NFIB: variants seen among roughly 807,000 people sequenced by gnomAD.
The protein encoded by NFIB is nuclear factor 1 B-type.
Under a neutral mutation model 61.5 loss-of-function variants are expected in NFIB, and 11 were observed. The ratio of observed to expected loss-of-function variants is 0.18; its 90% CI spans 0.11 to 0.30. The LOEUF (loss-of-function observed/expected upper bound fraction) is 0.30. Ranked by LOEUF, NFIB falls within the 10% of genes least tolerant of loss-of-function variation. The pLI is 1.00. For missense variants in NFIB, 471 were observed against 608.9 expected (o/e 0.77, Z 2.38); for synonymous variants, 260 against 216.5 (o/e 1.20, Z -1.76).
intron 2 of NFIB, among the ~76,000 whole-genome samples, chr9:14,227,079 T>C (rs941191576): frequency 1.4e-5 from 2 of 147,942 alleles, no homozygotes; most frequent in African/African-American, 5.0e-5. Flanking sequence ...AGGCAAAGTT[T>C]GCAGTGAGCC....
At chr9:14,364,668 G>A (rs1165860306) in intron 1 of NFIB, among the ~76,000 whole-genome samples, 1 of 152,180 alleles carries the variant, frequency 6.6e-6, no homozygotes, top group South Asian at 2.1e-4. Flanking sequence ...TCAAAGGTGT[G>A]TGAAAAGTGA....
chr9:14,182,613 C>A (rs943943795), intron 2 of NFIB, among the ~76,000 whole-genome samples: 1 of 151,056 alleles, frequency 6.6e-6, no homozygotes, highest in East Asian at 2.0e-4. Flanking sequence ...CAATTCACCA[C>A]CTAGGTCAAA....
chr9:14,269,054 A>C (rs2057415806), intron 2 of NFIB, among the ~76,000 whole-genome samples: 1 of 151,980 alleles, frequency 6.6e-6, no homozygotes, highest in South Asian at 2.1e-4. Context: ...GTTCTAGTAC[A>C]TATGAGTAAA....
intron 1 of NFIB, among the ~76,000 whole-genome samples, chr9:14,349,572 C>T (rs1588349699): frequency 6.6e-6 from 1 of 152,198 alleles, no homozygotes; most frequent in East Asian, 1.9e-4. Flanking sequence ...GAAGAAAAGA[C>T]TTGATCTGTG....
At chr9:14,126,876 G>A (rs1019799175) in intron 6 of NFIB, among the ~76,000 whole-genome samples, 2 of 152,160 alleles carry the variant, frequency 1.3e-5, no homozygotes, top group African/African-American at 2.4e-5. Flanking sequence ...ACTTGTTCAA[G>A]ACCGAATGTA....
intron 2 of NFIB, among the ~76,000 whole-genome samples, chr9:14,283,229 ACTAGGGGCT>A (rs1384228626): frequency 1.3e-5 from 2 of 152,322 alleles, no homozygotes; most frequent in East Asian, 3.9e-4. Flanking sequence ...GTGACTCCGG[ACTAGGGGCT>A]CTTGGGGAAT....
intron 1 of NFIB, among the ~76,000 whole-genome samples, chr9:14,344,939 G>A (rs1485405950): frequency 1.3e-5 from 2 of 152,128 alleles, no homozygotes; most frequent in Non-Finnish European, 2.9e-5. Context: ...AAGGAAGAGG[G>A]GTGGTTGGGG....
intron 1 of NFIB, among the ~76,000 whole-genome samples, chr9:14,377,329 C>A (rs1350964971): frequency 6.6e-6 from 1 of 152,202 alleles, no homozygotes. Context: ...AATCCTTACG[C>A]CTCAGCCTTC....
the NFIB span, among the ~76,000 whole-genome samples, chr9:14,405,675 G>T: frequency 6.6e-6 from 1 of 152,188 alleles, no homozygotes; most frequent in Non-Finnish European, 1.5e-5. Context: ...GAAATGGAAT[G>T]TCAGAAACTA....
At chr9:14,494,034 G>C in the NFIB span, among the ~76,000 whole-genome samples, 5 of 152,292 alleles carry the variant, frequency 3.3e-5, no homozygotes, top group South Asian at 1.0e-3. Flanking sequence ...AAGGTTCAGA[G>C]TTTGGCTGAT....
At chr9:14,290,484 C>T (rs1210168743) in intron 2 of NFIB, among the ~76,000 whole-genome samples, 2 of 152,002 alleles carry the variant, frequency 1.3e-5, no homozygotes, top group South Asian at 2.1e-4. Flanking sequence ...AAATAAAGTG[C>T]ATGCCTACTC....
chr9:14,421,808 T>C, the NFIB span, among the ~76,000 whole-genome samples: 1 of 152,228 alleles, frequency 6.6e-6, no homozygotes, highest in African/African-American at 2.4e-5. Context: ...GCATACCCAA[T>C]TCTTCTATAT....
chr9:14,155,327 G>C (rs2043277319), intron 4 of NFIB, among the ~76,000 whole-genome samples: 1 of 152,098 alleles, frequency 6.6e-6, no homozygotes. Context: ...CATTGTTTTG[G>C]ATAACAATGC....
chr9:14,103,018 C>T (rs2036002122), intron 10 of NFIB, among the ~76,000 whole-genome samples: 1 of 152,130 alleles, frequency 6.6e-6, no homozygotes, highest in Admixed American at 6.6e-5. Flanking sequence ...GCATCAAGGT[C>T]TTCAGTTTTA....
At chr9:14,305,915 C>T (rs1000929888) in intron 2 of NFIB, 27 of 1,215,726 alleles carry the variant, frequency 2.2e-5, no homozygotes, top group Non-Finnish European at 2.7e-5. Context: ...CTTCAGTCTA[C>T]TTTTGGTATG....
the NFIB span, among the ~76,000 whole-genome samples, chr9:14,435,209 A>G: frequency 6.6e-6 from 1 of 152,236 alleles, no homozygotes; most frequent in African/African-American, 2.4e-5. Context: ...GAGTCTGGTG[A>G]AAGTTCACCT....
chr9:14,238,647 G>A (rs528911576), intron 2 of NFIB, among the ~76,000 whole-genome samples: 1 of 152,218 alleles, frequency 6.6e-6, no homozygotes, highest in Non-Finnish European at 1.5e-5. Context: ...CATCCGCCTG[G>A]TCCAATCAGT....
At chr9:14,280,194 G>GT (rs1352938625) in intron 2 of NFIB, among the ~76,000 whole-genome samples, 1 of 152,138 alleles carries the variant, frequency 6.6e-6, no homozygotes, top group African/African-American at 2.4e-5. Flanking sequence ...TAAAATAATA[G>GT]TTTAACAAAA....
the NFIB span, among the ~76,000 whole-genome samples, chr9:14,405,185 C>T: frequency 3.3e-3 from 505 of 152,298 alleles, 2 homozygotes; most frequent in Admixed American, 4.8e-3. Flanking sequence ...CCCAGTCTAA[C>T]CTTGAAGTCA....
Sources: allele counts gnomAD v4.1 joint callset (sites outside exome capture counted in the v4.1 genomes callset), GRCh38; gene constraint gnomAD v4.1.1; transcripts MANE v1.5; gene names NCBI Gene and HGNC (gene_info 2026-07-23, HGNC 2026-07-21).